TIMM23: variants seen among roughly 807,000 people sequenced by gnomAD.
TIMM23 encodes the protein translocase of inner mitochondrial membrane 23.
TIMM23 carries 19 observed loss-of-function variants against 30.7 expected under a neutral mutation model. That is an observed-to-expected ratio of 0.62 (90% CI 0.43 to 0.91). The LOEUF (loss-of-function observed/expected upper bound fraction) is 0.91. Ranked by LOEUF, TIMM23 falls within the 40% of genes least tolerant of loss-of-function variation. The probability of loss-of-function intolerance (pLI) is 0.00; values close to 1 mark genes in which losing one functional copy is unlikely to be tolerated. For synonymous variants in TIMM23, 78 were observed against 98.5 expected (o/e 0.79, Z 1.23); for missense variants, 202 against 269.2 (o/e 0.75, Z 1.75).
chr10:45,981,703 A>C (rs1208476236), intron 2 of TIMM23, among the ~76,000 whole-genome samples: 1 of 152,176 alleles, frequency 6.6e-6, no homozygotes, highest in African/African-American at 2.4e-5. Context: ...GTAACACACT[A>C]TGTGTCTTTT....
chr10:45,989,009 A>G (rs1838078766), intron 6 of TIMM23, among the ~76,000 whole-genome samples, 162 bp downstream of exon 6: 1 of 152,250 alleles, frequency 6.6e-6, no homozygotes, highest in East Asian at 1.9e-4. Flanking sequence ...TAAAATAAAC[A>G]TAAGATTTAC....
intron 6 of TIMM23, chr10:45,998,268 A>G (rs924643087): frequency 4.1e-6 from 2 of 482,862 alleles, no homozygotes; most frequent in African/African-American, 4.2e-5. Flanking sequence ...TAGTTCTGCC[A>G]CTAATCAACC....
At chr10:46,002,459 A>T in intron 6 of TIMM23, 2 of 980,102 alleles carry the variant, frequency 2.0e-6, no homozygotes, top group Non-Finnish European at 2.4e-6. Context: ...GTGAGCCACC[A>T]TGCCTGGCCG....
chr10:45,998,440 G>A (rs1256939579), intron 6 of TIMM23: 20 of 965,044 alleles, frequency 2.1e-5, no homozygotes, highest in Non-Finnish European at 2.3e-5. Context: ...TATAGAGATT[G>A]ACCATTGGCC....
chr10:45,974,508 G>T (rs1554912574), intron 1 of TIMM23, among the ~76,000 whole-genome samples: 1 of 152,324 alleles, frequency 6.6e-6, no homozygotes, highest in South Asian at 2.1e-4. Context: ...TTACAAGGGA[G>T]TTGGATCCAT....
intron 2 of TIMM23, among the ~76,000 whole-genome samples, chr10:45,979,667 T>C (rs1837787684): frequency 6.7e-6 from 1 of 148,908 alleles, no homozygotes; most frequent in Non-Finnish European, 1.5e-5. Flanking sequence ...ATTTCACAGT[T>C]GAATCACTAA....
chr10:45,998,803 T>G (rs1838423603), intron 6 of TIMM23, among the ~76,000 whole-genome samples: 1 of 151,814 alleles, frequency 6.6e-6, no homozygotes, highest in Non-Finnish European at 1.5e-5. Flanking sequence ...GAGTAAATTA[T>G]TTAATATGTT....
chr10:45,978,276 C>T (rs1837738153), intron 2 of TIMM23, among the ~76,000 whole-genome samples: 1 of 152,070 alleles, frequency 6.6e-6, no homozygotes, highest in Non-Finnish European at 1.5e-5. Context: ...TCACTTGAGT[C>T]CAGCAGGTCA....
intron 6 of TIMM23, among the ~76,000 whole-genome samples, chr10:45,999,169 C>T (rs921149539): frequency 1.3e-5 from 2 of 151,924 alleles, no homozygotes; most frequent in Non-Finnish European, 2.9e-5. Context: ...GAGACCAGGT[C>T]TGGCTTTGTT....
intron 6 of TIMM23, among the ~76,000 whole-genome samples, chr10:45,991,208 G>C (rs1376495954): frequency 1.5e-4 from 23 of 152,170 alleles, no homozygotes; most frequent in Admixed American, 6.6e-4. Context: ...ATATAAGGAA[G>C]GTGTGGGAGA....
chr10:45,989,607 A>T (rs1482588308), intron 6 of TIMM23, among the ~76,000 whole-genome samples: 4 of 152,200 alleles, frequency 2.6e-5, no homozygotes, highest in African/African-American at 9.7e-5. Context: ...TCTTGGACAG[A>T]CTAAGCAATA....
At chr10:45,975,401 C>T in intron 1 of TIMM23, 53 bp from the exon 2 acceptor site, 1 of 1,600,580 alleles carries the variant, frequency 6.2e-7, no homozygotes, top group Non-Finnish European at 8.6e-7. Flanking sequence ...TTAACTCTAA[C>T]TGGATTAACT....
intron 5 of TIMM23, among the ~76,000 whole-genome samples, chr10:45,986,726 G>T (rs1320669242): frequency 6.6e-6 from 1 of 152,110 alleles, no homozygotes; most frequent in Non-Finnish European, 1.5e-5. Context: ...ACTTTAAAAT[G>T]AAATGGTGCT....
intron 6 of TIMM23, chr10:46,002,261 G>A (rs557060948): frequency 1.3e-4 from 20 of 151,496 alleles, no homozygotes; most frequent in African/African-American, 4.8e-4. Flanking sequence ...CTGCAGCCTC[G>A]ACCTCCTGGG....
intron 2 of TIMM23, among the ~76,000 whole-genome samples, chr10:45,980,253 A>G (rs1351803320): frequency 6.6e-6 from 1 of 151,022 alleles, no homozygotes; most frequent in Non-Finnish European, 1.5e-5. Flanking sequence ...GACTTTGGCA[A>G]CAACTTTTTT....
In TIMM23 at chr10:45,982,640, C is replaced by T. The variant is rs1250312550; in HGVS notation, c.259+24C>T. On this transcript the variant is annotated intron_variant, in intron 3 of 6. Coordinates refer to ENST00000580018, the MANE Select transcript of TIMM23 (RefSeq NM_006327.4). Reference sequence around the variant, plus strand: ...AGGTGAGTGTTACATACTTTTTTCTCAAGAGTGCTCAGTTCAAGTAGTTGA... The same window carrying T: ...AGGTGAGTGTTACATACTTTTTTCTTAAGAGTGCTCAGTTCAAGTAGTTGA... The T allele has an allele frequency of 4.0e-5, 64 of 1,613,036 alleles. No homozygotes were observed. In the African/African-American group the frequency reaches 8.3e-4, roughly 21 times the overall value.
chr10:45,997,950 G>A (rs1838397526), intron 6 of TIMM23, among the ~76,000 whole-genome samples: 1 of 152,082 alleles, frequency 6.6e-6, no homozygotes, highest in Admixed American at 6.6e-5. Context: ...AAAGAATAAA[G>A]TTTTTTTAAA....
chr10:45,982,513 A>G lies in TIMM23; in HGVS notation c.166-10A>G. 7.4e-6 allele frequency: 12 copies of G among 1,613,768 alleles called. No homozygotes were observed. Among genetic ancestry groups the G allele is most frequent in the Non-Finnish European group, 1.0e-5 (12 of 1,179,784 alleles). On this transcript the variant is annotated splice_polypyrimidine_tract_variant and intron_variant, in intron 2 of 6. Transcript: ENST00000580018. ...GACACTCAGCTTGGTTTTCATTATT[A>G]TCCTTTTAGGATACAGATGAGTTTA...
chr10:45,989,845 A>T (rs1414818372), intron 6 of TIMM23, among the ~76,000 whole-genome samples: 2 of 152,216 alleles, frequency 1.3e-5, no homozygotes, highest in Non-Finnish European at 2.9e-5. Flanking sequence ...GTTTAGAAGC[A>T]TACATTCAAG....
Sources: allele counts gnomAD v4.1 joint callset (sites outside exome capture counted in the v4.1 genomes callset), GRCh38; gene constraint gnomAD v4.1.1; transcripts MANE v1.5; gene names NCBI Gene and HGNC (gene_info 2026-07-23, HGNC 2026-07-21).